GRIN2B: variants seen among roughly 807,000 people sequenced by gnomAD.
GRIN2B encodes the protein glutamate receptor ionotropic, NMDA 2B.
Under a neutral mutation model 114.5 loss-of-function variants are expected in GRIN2B, and 5 were observed. The observed-to-expected ratio is 0.04, with a 90% CI of 0.02 to 0.09. The LOEUF (loss-of-function observed/expected upper bound fraction) is 0.09. GRIN2B is among the 10% of genes least tolerant of loss of function. The probability of loss-of-function intolerance (pLI) is 1.00; values close to 1 mark genes in which losing one functional copy is unlikely to be tolerated. For missense variants in GRIN2B, 1,108 were observed against 1,943.5 expected, an observed-to-expected ratio of 0.57 and a Z score of 8.08; for synonymous variants, 787 against 745.1, an observed-to-expected ratio of 1.06 and a Z score of -0.92.
intron 3 of GRIN2B, among the ~76,000 whole-genome samples, chr12:13,838,561 C>T (rs1197147951): frequency 3.3e-5 from 5 of 152,206 alleles, no homozygotes; most frequent in Non-Finnish European, 7.3e-5. Context: ...CCACTTCCTA[C>T]ACTATCTGTC....
chr12:13,840,159 C>T (rs1190326158), intron 3 of GRIN2B, among the ~76,000 whole-genome samples: 19 of 152,130 alleles, frequency 1.2e-4, no homozygotes, highest in Admixed American at 1.2e-3. Flanking sequence ...CTGTTTCAGC[C>T]TGTGCCTCTC....
chr12:13,637,765 C>T (rs1241268860), intron 5 of GRIN2B, among the ~76,000 whole-genome samples: 3 of 152,152 alleles, frequency 2.0e-5, no homozygotes, highest in African/African-American at 7.2e-5. Context: ...AGAGAAACTG[C>T]ATCTATTAAG....
At chr12:13,646,004 C>A (rs1949758396) in intron 5 of GRIN2B, among the ~76,000 whole-genome samples, 1 of 152,096 alleles carries the variant, frequency 6.6e-6, no homozygotes, top group South Asian at 2.1e-4. Flanking sequence ...AATTTATATT[C>A]TTCTAGTCAG....
intron 2 of GRIN2B, among the ~76,000 whole-genome samples, chr12:13,881,073 TA>T (rs1366159562): frequency 1.3e-5 from 2 of 152,166 alleles, no homozygotes; most frequent in African/African-American, 4.8e-5. Context: ...AGAGTATGTA[TA>T]AAAAAGATAA....
At chr12:13,814,841 G>A (rs1424222977) in intron 3 of GRIN2B, among the ~76,000 whole-genome samples, 1 of 152,174 alleles carries the variant, frequency 6.6e-6, no homozygotes, top group Non-Finnish European at 1.5e-5. Context: ...AGTGGCTACT[G>A]TACTGGTCAC....
intron 5 of GRIN2B, among the ~76,000 whole-genome samples, chr12:13,637,727 T>C (rs946827835): frequency 6.6e-6 from 1 of 152,170 alleles, no homozygotes; most frequent in African/African-American, 2.4e-5. Flanking sequence ...TTCTTCTCTA[T>C]TTAGGACACT....
At chr12:13,567,574 C>A (rs1396606074) in intron 12 of GRIN2B, among the ~76,000 whole-genome samples, 1 of 152,118 alleles carries the variant, frequency 6.6e-6, no homozygotes, top group East Asian at 1.9e-4. Flanking sequence ...TAAATAATCA[C>A]AATGACAAGC....
intron 3 of GRIN2B, among the ~76,000 whole-genome samples, chr12:13,785,178 C>A (rs1006330163): frequency 6.6e-6 from 1 of 152,214 alleles, no homozygotes; most frequent in African/African-American, 2.4e-5. Flanking sequence ...GTTCCCACTA[C>A]TTGCTACTAC....
At position 13,545,383 on chromosome 12, in the gene GRIN2B, T is replaced by A. The variant is rs1948330146; in HGVS notation, c.*17400A>T. The A allele has an allele frequency of 6.6e-6, 1 of 152,162 alleles. No homozygotes were observed. Among genetic ancestry groups the A allele is most frequent in the African/African-American group, 2.4e-5 (1 of 41,452 alleles). The allele number at this position is 152,162 out of a possible 1,614,324, so 9.4% of individuals were successfully genotyped here. On this transcript the variant is annotated 3_prime_UTR_variant, in exon 14 of 14. Coordinates refer to ENST00000609686, the MANE Select transcript of GRIN2B (RefSeq NM_000834.5). Reference sequence around the variant, plus strand: ...CATCAACATACAAACTTCAAGAGGGTATGGACTTTGTGTGGTTCGTTCTTA... The same window carrying A: ...CATCAACATACAAACTTCAAGAGGGAATGGACTTTGTGTGGTTCGTTCTTA...
At chr12:13,688,161 A>G (rs1170716220) in intron 4 of GRIN2B, among the ~76,000 whole-genome samples, 2 of 152,172 alleles carry the variant, frequency 1.3e-5, no homozygotes, top group Non-Finnish European at 2.9e-5. Context: ...CCAATGCCCC[A>G]CGCTAAGAAC....
rs774096413 is a variant in GRIN2B, at chr12:13,865,915, C to T, written c.294G>A (p.Val98=). 3 of 1,614,052 alleles carry T rather than the reference C, an allele frequency of 1.9e-6. No individual in the cohort carries two copies. Among genetic ancestry groups the T allele is most frequent in the South Asian group, 2.2e-5 (2 of 91,078 alleles). The change falls in exon 3 of 14, where the codon GTG becomes GTA. Residue 98 remains valine, a synonymous_variant. Transcript: ENST00000609686. ...LMSDRKIQGV[V]FADDTDQEAI... is the part of the protein sequence containing the mutation. Reference sequence around the variant, plus strand: ...CTTCCTGGTCTGTGTCATCAGCAAACACCACCCCCTGGATCTTCCGGTCAG... The same window carrying T: ...CTTCCTGGTCTGTGTCATCAGCAAATACCACCCCCTGGATCTTCCGGTCAG...
chr12:13,562,566 G>T lies in GRIN2B; in HGVS notation c.*217C>A, dbSNP rs1202086236. ...TGGGAACAGGAATGGCTGACAGCGG[G>T]GGGAAGAAGGAGAGAACTGTGAAAA... On this transcript the variant is annotated 3_prime_UTR_variant, in exon 14 of 14. Coordinates refer to ENST00000609686, the MANE Select transcript of GRIN2B (RefSeq NM_000834.5). The T allele has an allele frequency of 3.4e-6, 2 of 579,830 alleles. No individual in the cohort carries two copies. The highest frequency in any genetic ancestry group is 3.7e-5 in the African/African-American group (2 of 53,450). 35.9% of individuals were successfully genotyped at this position (579,830 alleles called of 1,614,324 possible).
Position 13,567,118 on chromosome 12 carries a change from G to C in GRIN2B, c.2505C>G (p.Thr835=). 6.2e-7 allele frequency: 1 copy of C among 1,614,166 alleles called. No homozygotes were observed. Among genetic ancestry groups the C allele is most frequent in the East Asian group, 2.2e-5 (1 of 44,892 alleles). ...LGAAMALSLI[T]FICEHLFYWQ... is the part of the protein sequence containing the mutation. ...AATAGAAAAGGTGTTCGCAGATGAA[G>C]GTGATGAGGCTGAGAGCCATGGCCG... The change falls in exon 13 of 14, where the codon ACC becomes ACG. Residue 835 remains threonine (T), a synonymous_variant. Coordinates refer to ENST00000609686, the MANE Select transcript of GRIN2B (RefSeq NM_000834.5).
chr12:13,577,565 G>A (rs1461099133), intron 10 of GRIN2B, among the ~76,000 whole-genome samples: 4 of 152,078 alleles, frequency 2.6e-5, no homozygotes, highest in South Asian at 2.1e-4. Flanking sequence ...AAAGGAAGAG[G>A]GGAGCAAGTA....
At chr12:13,768,840 T>C (rs1475573741) in intron 3 of GRIN2B, among the ~76,000 whole-genome samples, 1 of 152,030 alleles carries the variant, frequency 6.6e-6, no homozygotes, top group South Asian at 2.1e-4. Flanking sequence ...TGAGACCATC[T>C]TGGCTAACAC....
chr12:13,590,277 T>G (rs1332669999), intron 10 of GRIN2B, among the ~76,000 whole-genome samples: 1 of 152,128 alleles, frequency 6.6e-6, no homozygotes, highest in African/African-American at 2.4e-5. Flanking sequence ...AACGTGCAGG[T>G]TTGTTACATA....
chr12:13,907,826 G>A (rs1156453056), intron 2 of GRIN2B, among the ~76,000 whole-genome samples: 2 of 151,982 alleles, frequency 1.3e-5, no homozygotes, highest in African/African-American at 2.4e-5. Context: ...TCAAGACATG[G>A]CAAATTACAG....
intron 4 of GRIN2B, among the ~76,000 whole-genome samples, chr12:13,752,878 T>C (rs1183244022): frequency 6.6e-6 from 1 of 152,200 alleles, no homozygotes; most frequent in African/African-American, 2.4e-5. Context: ...CTCCCTTATT[T>C]CTAAGTCTCC....
chr12:13,977,123 G>A (rs779858195), intron 2 of GRIN2B, among the ~76,000 whole-genome samples: 2 of 152,200 alleles, frequency 1.3e-5, no homozygotes, highest in African/African-American at 2.4e-5. Flanking sequence ...AGCACTTGGT[G>A]TGCAAAGTAT....
Sources: allele counts gnomAD v4.1 joint callset (sites outside exome capture counted in the v4.1 genomes callset), GRCh38; gene constraint gnomAD v4.1.1; transcripts MANE v1.5; gene names NCBI Gene and HGNC (gene_info 2026-07-23, HGNC 2026-07-21).